INPP5A: variants seen among roughly 807,000 people sequenced by gnomAD.
INPP5A encodes inositol polyphosphate-5-phosphatase A.
Under a neutral mutation model 65.2 loss-of-function variants are expected in INPP5A, and 14 were observed. The observed-to-expected ratio is 0.21, with a 90% CI of 0.14 to 0.34. The LOEUF (loss-of-function observed/expected upper bound fraction) is 0.34, where lower values mean the gene tolerates loss of function less well. Among genes scored for constraint, INPP5A ranks in the 10% least tolerant of loss-of-function variants. INPP5A has a pLI of 1.00. For synonymous variants in INPP5A, 207 were observed against 208.3 expected (o/e 0.99, Z 0.05); for missense variants, 431 against 545.6 (o/e 0.79, Z 2.09).
At chr10:132,673,244 G>GCGTT (rs2072916671) in intron 4 of INPP5A, among the ~76,000 whole-genome samples, 1 of 152,196 alleles carries the variant, frequency 6.6e-6, no homozygotes. Context: ...CGCGGTGGCA[G>GCGTT]CATTCTTCCC....
chr10:132,589,908 G>A (rs540149565), intron 1 of INPP5A, among the ~76,000 whole-genome samples: 232 of 152,360 alleles, frequency 1.5e-3, no homozygotes, highest in African/African-American at 5.3e-3. Context: ...CACGCCTGGC[G>A]CCAGCACAGG....
At chr10:132,633,927 G>GT (rs1399511531) in intron 2 of INPP5A, among the ~76,000 whole-genome samples, 1 of 152,250 alleles carries the variant, frequency 6.6e-6, no homozygotes, top group Non-Finnish European at 1.5e-5. Flanking sequence ...CTCGTGGCCA[G>GT]TTCTGCTTCA....
intron 2 of INPP5A, among the ~76,000 whole-genome samples, chr10:132,617,595 A>C (rs923071062): frequency 6.6e-6 from 1 of 152,188 alleles, no homozygotes; most frequent in Non-Finnish European, 1.5e-5. Context: ...TAGCCAGGAC[A>C]TCCATTGTGA....
chr10:132,583,318 G>GT (rs1309385543), intron 1 of INPP5A, among the ~76,000 whole-genome samples: 1 of 152,178 alleles, frequency 6.6e-6, no homozygotes, highest in Non-Finnish European at 1.5e-5. Context: ...GGAGCCGTGG[G>GT]TGACAGTTGT....
intron 1 of INPP5A, among the ~76,000 whole-genome samples, chr10:132,574,347 G>T (rs1454674216): frequency 1.4e-5 from 2 of 147,846 alleles, no homozygotes; most frequent in Non-Finnish European, 3.0e-5. Context: ...TTGTTGAGAT[G>T]TTGGGATGTG....
chr10:132,686,856 C>T (rs941451153), intron 4 of INPP5A, among the ~76,000 whole-genome samples: 1 of 152,216 alleles, frequency 6.6e-6, no homozygotes, highest in Non-Finnish European at 1.5e-5. Flanking sequence ...AAGTTTCATC[C>T]ATGGGGCATA....
At chr10:132,778,147 C>T (rs938692499) in intron 13 of INPP5A, among the ~76,000 whole-genome samples, 4 of 152,150 alleles carry the variant, frequency 2.6e-5, no homozygotes, top group Non-Finnish European at 4.4e-5. Flanking sequence ...GGCCGTGAAG[C>T]GCAGTAGAAA....
intron 1 of INPP5A, among the ~76,000 whole-genome samples, chr10:132,594,674 C>T (rs887296556): frequency 5.3e-5 from 8 of 151,750 alleles, no homozygotes; most frequent in Non-Finnish European, 1.0e-4. Context: ...ATATGTGTGG[C>T]GTGGTGGGTG....
chr10:132,561,921 A>C (rs1420113312), intron 1 of INPP5A, among the ~76,000 whole-genome samples: 1 of 152,214 alleles, frequency 6.6e-6, no homozygotes, highest in Non-Finnish European at 1.5e-5. Flanking sequence ...CCTCAGGGGC[A>C]TGTGATGTGG....
chr10:132,780,295 A>G (rs1406491225), intron 13 of INPP5A, among the ~76,000 whole-genome samples: 1 of 152,258 alleles, frequency 6.6e-6, no homozygotes, highest in Non-Finnish European at 1.5e-5. Flanking sequence ...GTGCGCACAC[A>G]GCCGTGAATT....
chr10:132,647,021 G>T (rs1178366548), intron 3 of INPP5A, among the ~76,000 whole-genome samples: 1 of 152,088 alleles, frequency 6.6e-6, no homozygotes, highest in Non-Finnish European at 1.5e-5. Flanking sequence ...AACTCCCAGC[G>T]CAGGGTCCTC....
Position 132,555,619 on chromosome 10 carries a change from G to T in INPP5A, c.75+17448G>T, listed in dbSNP as rs1248830526. On this transcript the variant is annotated intron_variant, in intron 1 of 15. Transcript: ENST00000368594. This position sits in a 1 kb window ranked among gnomAD's most constrained non-coding sequence, Gnocchi z 4.4. ...CACAAACTCAAATGCACACACTTGG[G>T]GCTTCTATCCTATCAGGGAGAGAGT... Among the ~76,000 whole-genome samples, 7 of 152,162 alleles carry T rather than the reference G, an allele frequency of 4.6e-5. No homozygotes were observed. Among genetic ancestry groups the T allele is most frequent in the Admixed American group, 3.9e-4 (6 of 15,280 alleles).
In INPP5A at chr10:132,676,383, G is replaced by A. The variant is rs918864590; in HGVS notation, c.307-14009G>A. Among the ~76,000 whole-genome samples the A allele has an allele frequency of 2.6e-5, 4 of 152,194 alleles. No homozygotes were observed. Among genetic ancestry groups the A allele is most frequent in the African/African-American group, 9.7e-5 (4 of 41,442 alleles). On this transcript the variant is annotated intron_variant, in intron 4 of 15. Coordinates refer to ENST00000368594, the MANE Select transcript of INPP5A (RefSeq NM_005539.5). This position sits in a 1 kb window ranked among gnomAD's most constrained non-coding sequence, Gnocchi z 4.0. ...GCTGCTGTTGTCTGGCACACCGTGA[G>A]TTCTGGGCCAGGACCTTTCCACCTG...
chr10:132,718,111 G>C (rs569134066), intron 8 of INPP5A, among the ~76,000 whole-genome samples: 1 of 149,692 alleles, frequency 6.7e-6, no homozygotes, highest in Non-Finnish European at 1.5e-5. Flanking sequence ...TCAGGGTTCT[G>C]TGGTACCTGG....
intron 1 of INPP5A, among the ~76,000 whole-genome samples, chr10:132,579,918 G>GC: frequency 7.1e-6 from 1 of 141,758 alleles, no homozygotes; most frequent in South Asian, 2.3e-4. Flanking sequence ...CTGTTTAAAA[G>GC]TTTTTTTTTT....
chr10:132,728,455 C>T (rs1297126851), intron 9 of INPP5A, among the ~76,000 whole-genome samples: 1 of 152,234 alleles, frequency 6.6e-6, no homozygotes, highest in East Asian at 1.9e-4. Context: ...GGAGCAAGGC[C>T]TGGGGGCCAC....
intron 1 of INPP5A, among the ~76,000 whole-genome samples, chr10:132,553,916 G>C (rs1422585159): frequency 6.7e-6 from 1 of 149,768 alleles, no homozygotes; most frequent in Non-Finnish European, 1.5e-5. Flanking sequence ...CGCCTTCTCA[G>C]AGCCTTGGTG....
At chr10:132,743,747 G>A (rs1007704004) in intron 9 of INPP5A, among the ~76,000 whole-genome samples, 4 of 152,200 alleles carry the variant, frequency 2.6e-5, no homozygotes, top group African/African-American at 9.7e-5. Flanking sequence ...GCTTGCTGAC[G>A]GGCAGCCTCA....
Position 132,674,283 on chromosome 10 carries a change from A to AATCAG in INPP5A, c.307-16108_307-16104dup, listed in dbSNP as rs2072933960. Among the ~76,000 whole-genome samples, 1 of 152,196 alleles carries AATCAG rather than the reference A, an allele frequency of 6.6e-6. No individual in the cohort carries two copies. Among genetic ancestry groups the AATCAG allele is most frequent in the Admixed American group, 6.5e-5 (1 of 15,278 alleles). ...GCCAAACCATTGGCTACGGCCCATGAATCAGTATATAATCACACATCTGGC... is the reference window on the plus strand; with the variant it reads ...GCCAAACCATTGGCTACGGCCCATGAATCAGATCAGTATATAATCACACATCTGGC... On this transcript the variant is annotated intron_variant, in intron 4 of 15. Coordinates refer to ENST00000368594, the MANE Select transcript of INPP5A (RefSeq NM_005539.5). The surrounding 1 kb of genome is among the most constrained non-coding windows in gnomAD (Gnocchi z 4.4).
Sources: gnomAD v4.1 joint callset for allele counts (sites outside exome capture counted in the v4.1 genomes callset) on GRCh38, gnomAD v4.1.1 for gene constraint, Gnocchi (gnomAD v3.1) non-coding constraint, MANE v1.5 for transcripts, NCBI Gene and HGNC (gene_info 2026-07-23, HGNC 2026-07-21) for gene names.